The following EIPR1 variants were observed in gnomAD, a reference collection of about 807,000 sequenced individuals.
EIPR1 encodes the protein EARP complex and GARP complex interacting protein 1.
In EIPR1, 25 loss-of-function variants were observed where a neutral mutation model predicts 48.1. The observed-to-expected ratio is 0.52, with a 90% CI of 0.38 to 0.73. The LOEUF (loss-of-function observed/expected upper bound fraction) is 0.73, where lower values mean the gene tolerates loss of function less well. Among genes scored for constraint, EIPR1 ranks in the 30% least tolerant of loss-of-function variants. The pLI, the probability that EIPR1 is intolerant of heterozygous loss-of-function variation, is 0.00. For missense variants in EIPR1, 415 were observed against 506.2 expected (o/e 0.82, Z 1.73); for synonymous variants, 204 against 201.9 (o/e 1.01, Z -0.09).
intron 3 of EIPR1, among the ~76,000 whole-genome samples, chr2:3,306,763 G>A (rs1158920357): frequency 2.0e-5 from 3 of 152,124 alleles, no homozygotes; most frequent in Non-Finnish European, 2.9e-5. Context: ...GGAGGAAGAG[G>A]AGGTGTTGGT....
intron 4 of EIPR1, among the ~76,000 whole-genome samples, chr2:3,232,607 C>T (rs1666276496): frequency 6.6e-6 from 1 of 152,142 alleles, no homozygotes; most frequent in Admixed American, 6.6e-5. Context: ...GGTGCATCAT[C>T]CGTCTTTTGC....
intron 1 of EIPR1, among the ~76,000 whole-genome samples, chr2:3,374,380 G>A (rs894003809): frequency 1.3e-5 from 2 of 151,670 alleles, no homozygotes; most frequent in Admixed American, 1.3e-4. Flanking sequence ...TTGACAAATG[G>A]GATCTCATTA....
chr2:3,212,768 A>T (rs1665501659), intron 5 of EIPR1, among the ~76,000 whole-genome samples: 1 of 152,218 alleles, frequency 6.6e-6, no homozygotes, highest in Non-Finnish European at 1.5e-5. Flanking sequence ...TTATCTTAAA[A>T]GTTTGTGTGA....
intron 3 of EIPR1, among the ~76,000 whole-genome samples, chr2:3,284,828 G>A (rs985121629): frequency 1.3e-5 from 2 of 152,144 alleles, no homozygotes; most frequent in African/African-American, 4.8e-5. Context: ...CAGCAGCAGA[G>A]TCAGAGGAAG....
At chr2:3,270,533 T>C (rs1035778617) in intron 3 of EIPR1, among the ~76,000 whole-genome samples, 3 of 152,192 alleles carry the variant, frequency 2.0e-5, no homozygotes, top group Admixed American at 6.5e-5. Context: ...CACAATAACA[T>C]TAATATTGCA....
At position 3,189,595 on chromosome 2, in the gene EIPR1, G is replaced by A. The variant is rs998740214; in HGVS notation, c.990-87C>T. ...CAGGGAGGACGCGAGCGCTGACATC[G>A]GGAGACACGGGAGGTACTGGGGCCT... On this transcript the variant is annotated intron_variant, in intron 8 of 8. Transcript: ENST00000382125. The surrounding 1 kb of genome is among the most constrained non-coding windows in gnomAD (Gnocchi z 4.6). 11 of 1,273,996 alleles carry A rather than the reference G, an allele frequency of 8.6e-6. No individual in the cohort carries two copies. The highest frequency in any genetic ancestry group is 4.5e-5 in the African/African-American group (3 of 67,156). The allele number at this position is 1,273,996 out of a possible 1,614,324, so 78.9% of individuals were successfully genotyped here. A position where few individuals can be genotyped will look rare whatever the true frequency, so the allele number is the denominator to read the frequency against.
chr2:3,318,752 A>G (rs1572436564), intron 3 of EIPR1: 1 of 439,444 alleles, frequency 2.3e-6, no homozygotes, highest in East Asian at 7.2e-5. Context: ...ACCGTTCCAA[A>G]CTCTGAAGCC....
At chr2:3,354,446 T>C in intron 2 of EIPR1, 104 bp downstream of exon 2, 1 of 957,688 alleles carries the variant, frequency 1.0e-6, no homozygotes. Context: ...TTTGTTTATG[T>C]GGCATTAATT....
chr2:3,326,316 G>C (rs749653670), intron 3 of EIPR1, among the ~76,000 whole-genome samples: 20 of 152,156 alleles, frequency 1.3e-4, no homozygotes, highest in Admixed American at 7.2e-4. Flanking sequence ...TTACTTGACT[G>C]GTCCGGGATT....
chr2:3,318,155 C>G (rs1039697647), intron 3 of EIPR1, among the ~76,000 whole-genome samples: 2 of 152,254 alleles, frequency 1.3e-5, no homozygotes, highest in African/African-American at 2.4e-5. Context: ...GGGCCAAGGG[C>G]AGGGCGCAGA....
At chr2:3,223,239 C>G (rs1665954645) in intron 4 of EIPR1, among the ~76,000 whole-genome samples, 1 of 152,206 alleles carries the variant, frequency 6.6e-6, no homozygotes, top group Non-Finnish European at 1.5e-5. Context: ...ACGGAGTTGA[C>G]TGATCCACAA....
In EIPR1 at chr2:3,190,066, G is replaced by A. The variant is rs1572268936; in HGVS notation, c.990-558C>T. On this transcript the variant is annotated intron_variant, in intron 8 of 8. Transcript: ENST00000382125. ...ACCAAGAGGAAGACGCCCTGGCCCTGTGGGAGCAGCAGAGGCGTGACCTGC... is the reference window on the plus strand; with the variant it reads ...ACCAAGAGGAAGACGCCCTGGCCCTATGGGAGCAGCAGAGGCGTGACCTGC... 1.3e-5 allele frequency among the ~76,000 whole-genome samples: 2 copies of A among 152,080 alleles called. 1 individual carries two copies. The highest frequency in any genetic ancestry group is 4.8e-5 in the African/African-American group (2 of 41,412).
chr2:3,194,206 G>A (rs1408096605), intron 6 of EIPR1, 40 bp from the exon 7 acceptor site: 2 of 1,607,164 alleles, frequency 1.2e-6, no homozygotes, highest in East Asian at 4.5e-5. Context: ...AATAGTAAAT[G>A]GATTAGGAAA....
rs1396892638 is a variant in EIPR1 at position 3,283,962 on chromosome 2, A to AT, written c.260-26508_260-26507insA. Among the ~76,000 whole-genome samples, 327 of 142,626 alleles carry AT rather than the reference A, an allele frequency of 2.3e-3. 2 individuals are homozygous for AT. Among genetic ancestry groups the AT allele is most frequent in the Non-Finnish European group, 4.0e-3 (265 of 65,570 alleles). The allele number at this position is 142,626 out of a possible 152,430, so 93.6% of individuals were successfully genotyped here. A position where few individuals can be genotyped will look rare whatever the true frequency, so the allele number is the denominator to read the frequency against. On this transcript the variant is annotated intron_variant, in intron 3 of 8. Transcript: ENST00000382125. ...CTACATCTAAAAAAAAAAAAAAAAA[A>AT]AAAGAAAGAAAGAAAAAAAGAAAAG...
intron 3 of EIPR1, among the ~76,000 whole-genome samples, chr2:3,303,278 C>A (rs1668814555): frequency 6.6e-6 from 1 of 152,344 alleles, no homozygotes; most frequent in South Asian, 2.1e-4. Context: ...ACCAGCCATG[C>A]CGAGGGCCAG....
At chr2:3,302,838 G>A (rs1343353590) in intron 3 of EIPR1, among the ~76,000 whole-genome samples, 4 of 152,230 alleles carry the variant, frequency 2.6e-5, no homozygotes, top group Non-Finnish European at 5.9e-5. Flanking sequence ...GCTCCAGCAG[G>A]GCGTCTGGCA....
chr2:3,348,757 C>A (rs769842006), intron 2 of EIPR1, among the ~76,000 whole-genome samples: 6 of 152,246 alleles, frequency 3.9e-5, no homozygotes, highest in Non-Finnish European at 8.8e-5. Context: ...GAGCGAGGAC[C>A]TGAGGCAACA....
chr2:3,245,928 A>G lies in EIPR1; in HGVS notation c.416+11371T>C, dbSNP rs145188317. Among the ~76,000 whole-genome samples, 487 of 152,290 alleles carry G rather than the reference A, an allele frequency of 3.2e-3. 2 individuals carry two copies. The highest frequency in any genetic ancestry group is 0.011 in the African/African-American group (469 of 41,554). Reference sequence around the variant, plus strand: ...TTAGAAATTAAGACCTCATCTCTACATAAAATTTAAAAATTAGCCAGGCAT... The same window carrying G: ...TTAGAAATTAAGACCTCATCTCTACGTAAAATTTAAAAATTAGCCAGGCAT... On this transcript the variant is annotated intron_variant, in intron 4 of 8. Transcript: ENST00000382125.
intron 3 of EIPR1, chr2:3,257,693 T>C: frequency 2.5e-6 from 1 of 396,908 alleles, no homozygotes. Context: ...TTAAAAACCA[T>C]CATGCTGTTT....
Sources: gnomAD v4.1 joint callset for allele counts (sites outside exome capture counted in the v4.1 genomes callset) on GRCh38, gnomAD v4.1.1 for gene constraint, Gnocchi (gnomAD v3.1) non-coding constraint, MANE v1.5 for transcripts, NCBI Gene and HGNC (gene_info 2026-07-23, HGNC 2026-07-21) for gene names.